The following PLS1 variants were observed in gnomAD, a reference collection of about 807,000 sequenced individuals.
The protein encoded by PLS1 is plastin 1, also known as plastin-1.
PLS1 carries 32 observed loss-of-function variants against 73.7 expected under a neutral mutation model. That is an observed-to-expected ratio of 0.43 (90% CI 0.33 to 0.58). The LOEUF (loss-of-function observed/expected upper bound fraction) is 0.58. PLS1 is among the 20% of genes least tolerant of loss of function. PLS1 has a pLI of 0.04. For synonymous variants in PLS1, 217 were observed against 261.3 expected (o/e 0.83, Z 1.63); for missense variants, 633 against 740.5 (o/e 0.85, Z 1.68).
intron 14 of PLS1, 49 bp downstream of exon 14, chr3:142,704,635 ATTTTTTTTT>A (rs10631186): frequency 0.013 from 3,419 of 261,502 alleles, 13 homozygotes; most frequent in Non-Finnish European, 0.018. Context: ...ATAGGAAGGA[ATTTTTTTTT>A]TTTTTTTTTT....
chr3:142,628,058 A>G (rs1311049130), intron 1 of PLS1: 1 of 152,246 alleles, frequency 6.6e-6, no homozygotes, highest in East Asian at 1.9e-4. Context: ...TTCAATGTCT[A>G]CATAAAAGAA....
At chr3:142,596,725 GTATT>G (rs1239754696) in intron 1 of PLS1, among the ~76,000 whole-genome samples, 1 of 152,232 alleles carries the variant, frequency 6.6e-6, no homozygotes, top group African/African-American at 2.4e-5. Context: ...GTTAAATCGC[GTATT>G]TACACTGCTT....
chr3:142,683,245 C>T (rs1243706364), intron 6 of PLS1, among the ~76,000 whole-genome samples: 4 of 152,220 alleles, frequency 2.6e-5, no homozygotes, highest in African/African-American at 7.2e-5. Context: ...TGGCTCACGC[C>T]TGTAATCCCA....
chr3:142,666,736 T>G (rs1235798470), intron 2 of PLS1, among the ~76,000 whole-genome samples: 1 of 152,220 alleles, frequency 6.6e-6, no homozygotes, highest in Non-Finnish European at 1.5e-5. Flanking sequence ...TTTTCCATAG[T>G]GGAGGCACCA....
rs977443639 is a variant in PLS1, at chr3:142,626,015, A to T, written c.-37+29506A>T. 7.2e-5 allele frequency among the ~76,000 whole-genome samples: 11 copies of T among 152,210 alleles called. No homozygotes were observed. The South Asian group carries it at 2.3e-3, about 32-fold the overall frequency. ...AATGAATAAATGAATTCATGCATGC[A>T]TGCTACTCAGGAGGCTGTGTCTTGC... On this transcript the variant is annotated intron_variant, in intron 1 of 15. Transcript: ENST00000457734.
intron 1 of PLS1, among the ~76,000 whole-genome samples, chr3:142,618,049 C>G (rs2036246793): frequency 6.6e-6 from 1 of 152,142 alleles, no homozygotes; most frequent in Admixed American, 6.5e-5. Context: ...ATCTCTGGGG[C>G]CCAGTCTCTC....
Position 142,712,186 on chromosome 3 carries a change from C to T in PLS1, c.*179C>T, listed in dbSNP as rs1933165128. 2 of 507,006 alleles carry T rather than the reference C, an allele frequency of 3.9e-6. No homozygotes were observed. Among genetic ancestry groups the T allele is most frequent in the Non-Finnish European group, 6.9e-6 (2 of 289,952 alleles). 31.4% of individuals were successfully genotyped at this position (507,006 alleles called of 1,614,324 possible). On this transcript the variant is annotated 3_prime_UTR_variant, in exon 16 of 16. Coordinates refer to ENST00000457734, the MANE Select transcript of PLS1 (RefSeq NM_001145319.2). ...AGAGCTGGTCAGCCTTTTTGGGTAACACAGTTAATTTACCAACTGATACAG... is the reference window on the plus strand; with the variant it reads ...AGAGCTGGTCAGCCTTTTTGGGTAATACAGTTAATTTACCAACTGATACAG...
chr3:142,621,548 G>A (rs2036314064), intron 1 of PLS1, among the ~76,000 whole-genome samples: 1 of 152,130 alleles, frequency 6.6e-6, no homozygotes, highest in Non-Finnish European at 1.5e-5. Flanking sequence ...ATAATATTAA[G>A]TAAAACTATA....
In PLS1 at chr3:142,712,665, C is replaced by T. The variant is rs1009447087; in HGVS notation, c.*658C>T. ...CTTTACACATCCTAGTTTGGTAACA[C>T]AGCTTTAACTATGTCATGCAACATA... is the stretch of plus-strand genomic sequence containing the variant. On this transcript the variant is annotated 3_prime_UTR_variant, in exon 16 of 16. Transcript: ENST00000457734. 3 of 152,380 alleles carry T rather than the reference C, an allele frequency of 2.0e-5. No homozygotes were observed. The highest frequency in any genetic ancestry group is 4.4e-5 in the Non-Finnish European group (3 of 67,982). The allele number at this position is 152,380 out of a possible 1,614,324, so 9.4% of individuals were successfully genotyped here.
intron 9 of PLS1, among the ~76,000 whole-genome samples, chr3:142,689,316 CAG>C (rs1334815824): frequency 1.3e-5 from 2 of 151,954 alleles, no homozygotes; most frequent in East Asian, 3.9e-4. Flanking sequence ...CCCAGCTACT[CAG>C]GGGCTGAGGG....
chr3:142,635,833 G>T (rs77159403), intron 1 of PLS1, among the ~76,000 whole-genome samples: 5,294 of 152,162 alleles, frequency 0.035, 313 homozygotes, highest in African/African-American at 0.12. Context: ...GAGAACTAGT[G>T]CTACCTGATT....
intron 1 of PLS1, among the ~76,000 whole-genome samples, chr3:142,614,515 A>T (rs901555993): frequency 9.2e-5 from 14 of 152,210 alleles, no homozygotes; most frequent in Non-Finnish European, 1.5e-5. Context: ...ATTGCCAGAC[A>T]TTCTGATTTT....
chr3:142,607,155 G>C (rs544295271), intron 1 of PLS1, among the ~76,000 whole-genome samples: 1 of 151,870 alleles, frequency 6.6e-6, no homozygotes, highest in Non-Finnish European at 1.5e-5. Flanking sequence ...TCACATTGTA[G>C]TGACTTAAAA....
rs2037720772 is a variant in PLS1 at position 142,676,197 on chromosome 3, C to T, written c.405C>T (p.Ala135=). The stretch of plus-strand genomic sequence containing the variant: ...CTTTTGTTAACTGGATAAACAAAGC[C>T]CTGGAGAATGACCCTGACTGTAAGC... ...KVAFVNWINK[A]LENDPDCKHL... is the part of the protein sequence containing the mutation. The change falls in exon 5 of 16, where the codon GCC becomes GCT. Residue 135 remains alanine, a synonymous_variant. Coordinates refer to ENST00000457734, the MANE Select transcript of PLS1 (RefSeq NM_001145319.2). The T allele has an allele frequency of 1.2e-6, 2 of 1,613,116 alleles. No individual in the cohort carries two copies. The highest frequency in any genetic ancestry group is 1.7e-6 in the Non-Finnish European group (2 of 1,179,436).
intron 6 of PLS1, among the ~76,000 whole-genome samples, chr3:142,683,010 G>A (rs982803826): frequency 6.6e-6 from 1 of 151,982 alleles, no homozygotes; most frequent in Non-Finnish European, 1.5e-5. Context: ...AATTTTAATC[G>A]CCCCAGACGA....
chr3:142,691,685 G>A (rs1445337046), intron 10 of PLS1, among the ~76,000 whole-genome samples: 1 of 151,994 alleles, frequency 6.6e-6, no homozygotes, highest in Non-Finnish European at 1.5e-5. Context: ...TCATACATCT[G>A]CCAAAAATGT....
At chr3:142,697,425 C>G (rs538088365) in intron 11 of PLS1, among the ~76,000 whole-genome samples, 1 of 152,286 alleles carries the variant, frequency 6.6e-6, no homozygotes, top group East Asian at 1.9e-4. Context: ...CACCCTTACT[C>G]TCTCATACTC....
intron 1 of PLS1, among the ~76,000 whole-genome samples, chr3:142,659,857 T>G (rs1560054182): frequency 6.6e-6 from 1 of 152,074 alleles, no homozygotes; most frequent in East Asian, 1.9e-4. Flanking sequence ...CCACCACGCC[T>G]GGCTAATTTA....
At chr3:142,638,739 T>C (rs2036763140) in intron 1 of PLS1, among the ~76,000 whole-genome samples, 1 of 151,342 alleles carries the variant, frequency 6.6e-6, no homozygotes, top group African/African-American at 2.4e-5. Context: ...TTTTATTTTA[T>C]TTTATTTTAT....
Sources: allele counts gnomAD v4.1 joint callset (sites outside exome capture counted in the v4.1 genomes callset), GRCh38; gene constraint gnomAD v4.1.1; transcripts MANE v1.5; gene names NCBI Gene and HGNC (gene_info 2026-07-23, HGNC 2026-07-21).